INVS: variants seen among roughly 807,000 people sequenced by gnomAD.
INVS encodes the protein inversin.
A neutral mutation model predicts 108.8 loss-of-function variants in INVS; 86 were observed. The observed-to-expected ratio is 0.79, with a 90% CI of 0.66 to 0.95. INVS has a LOEUF of 0.95. INVS is among the 40% of genes least tolerant of loss of function. The pLI is 0.00. For synonymous variants in INVS, 455 were observed against 473.5 expected, an observed-to-expected ratio of 0.96 and a Z score of 0.51; for missense variants, 1,169 against 1,297.4, an observed-to-expected ratio of 0.90 and a Z score of 1.52.
intron 12 of INVS, 24 bp downstream of exon 12, chr9:100,273,100 C>A: frequency 1.3e-6 from 2 of 1,592,400 alleles, no homozygotes; most frequent in Non-Finnish European, 1.7e-6. Context: ...ACGCAGATTG[C>A]GTTTTCGCCA....
chr9:100,172,103 A>T (rs746399383), intron 3 of INVS, among the ~76,000 whole-genome samples: 1 of 152,082 alleles, frequency 6.6e-6, no homozygotes, highest in Admixed American at 6.5e-5. Flanking sequence ...GCCCTTGAGC[A>T]TGTAAAAAAA....
intron 3 of INVS, among the ~76,000 whole-genome samples, chr9:100,211,038 GGCCCCTACAC>G (rs1441593643): frequency 6.6e-6 from 1 of 151,932 alleles, no homozygotes; most frequent in Non-Finnish European, 1.5e-5. Flanking sequence ...GCAGATTCTT[GGCCCCTACAC>G]CAGTGAATGA....
intron 3 of INVS, among the ~76,000 whole-genome samples, chr9:100,191,893 G>A (rs1208460409): frequency 6.6e-6 from 1 of 152,006 alleles, no homozygotes; most frequent in Non-Finnish European, 1.5e-5. Flanking sequence ...TAACTTTAAT[G>A]TTTACAGTTT....
At chr9:100,198,487 C>CTCCAT (rs1830448317) in intron 3 of INVS, among the ~76,000 whole-genome samples, 1 of 151,006 alleles carries the variant, frequency 6.6e-6, no homozygotes, top group African/African-American at 2.4e-5. Context: ...GACGGGGTTT[C>CTCCAT]TCCATGTTGG....
intron 10 of INVS, among the ~76,000 whole-genome samples, chr9:100,255,000 T>C (rs1272881922): frequency 6.6e-6 from 1 of 152,270 alleles, no homozygotes; most frequent in Non-Finnish European, 1.5e-5. Context: ...CTATAAATTA[T>C]GTTGGGCAAT....
At chr9:100,205,612 TCTTAA>T (rs1469293101) in intron 3 of INVS, among the ~76,000 whole-genome samples, 1 of 152,010 alleles carries the variant, frequency 6.6e-6, no homozygotes, top group African/African-American at 2.4e-5. Flanking sequence ...TTAGCTGTTG[TCTTAA>T]CTTTAATCTC....
At chr9:100,227,991 CTTT>C (rs33912012) in intron 4 of INVS, among the ~76,000 whole-genome samples, 4 of 133,412 alleles carry the variant, frequency 3.0e-5, no homozygotes, top group Non-Finnish European at 3.1e-5. Context: ...TTCTTTCTTT[CTTT>C]TTTTTTTTTT....
intron 3 of INVS, among the ~76,000 whole-genome samples, chr9:100,133,371 C>T (rs1828112662): frequency 1.3e-5 from 2 of 151,446 alleles, no homozygotes; most frequent in Admixed American, 6.6e-5. Context: ...TGTACATGTG[C>T]ACATACACTA....
At chr9:100,297,551 G>C (rs1264395173) in intron 15 of INVS, among the ~76,000 whole-genome samples, 1 of 152,108 alleles carries the variant, frequency 6.6e-6, no homozygotes, top group Non-Finnish European at 1.5e-5. Context: ...AGATGTTATA[G>C]GGTTGCCCAC....
intron 3 of INVS, among the ~76,000 whole-genome samples, chr9:100,219,881 G>GATATATATATATATATATATATATATAT (rs61219577): frequency 2.7e-5 from 4 of 148,082 alleles, no homozygotes; most frequent in African/African-American, 9.8e-5. Context: ...GTCGTTTATG[G>GATATATATATATATATATATATATATAT]ATATATATAT....
intron 3 of INVS, among the ~76,000 whole-genome samples, chr9:100,157,779 T>C (rs7025271): frequency 0.21 from 31,965 of 152,122 alleles, 5,712 homozygotes; most frequent in African/African-American, 0.49. Flanking sequence ...TTACATGTTT[T>C]ATTTTCTTTG....
At chr9:100,289,304 C>T (rs374995796) in intron 13 of INVS, among the ~76,000 whole-genome samples, 2 of 152,326 alleles carry the variant, frequency 1.3e-5, no homozygotes, top group African/African-American at 2.4e-5. Context: ...TTCTGCTCTT[C>T]GAGCCTTCAC....
At chr9:100,121,063 G>A (rs1374970134) in intron 2 of INVS, among the ~76,000 whole-genome samples, 1 of 151,482 alleles carries the variant, frequency 6.6e-6, no homozygotes, top group African/African-American at 2.4e-5. Context: ...GTTGACTACA[G>A]TTTTTTTTTA....
chr9:100,300,436 C>T (rs1833929722), intron 16 of INVS, 132 bp from the exon 17 acceptor site: 2 of 696,564 alleles, frequency 2.9e-6, no homozygotes, highest in African/African-American at 3.5e-5. Context: ...GTCATCCTGC[C>T]TCTACAGTAA....
intron 3 of INVS, among the ~76,000 whole-genome samples, chr9:100,152,704 A>G (rs1390992647): frequency 1.3e-5 from 2 of 152,174 alleles, no homozygotes; most frequent in African/African-American, 4.8e-5. Flanking sequence ...ACCTTTGTCT[A>G]AATATGTGGT....
chr9:100,248,704 TC>T (rs1338223005), intron 8 of INVS, among the ~76,000 whole-genome samples: 1 of 152,116 alleles, frequency 6.6e-6, no homozygotes, highest in African/African-American at 2.4e-5. Flanking sequence ...GATCCTTTTG[TC>T]CTTTCTTTGC....
intron 8 of INVS, among the ~76,000 whole-genome samples, chr9:100,251,745 A>T (rs1832245267): frequency 6.6e-6 from 1 of 152,148 alleles, no homozygotes; most frequent in African/African-American, 2.4e-5. Flanking sequence ...ATATTGTATT[A>T]AAAATGCACT....
intron 13 of INVS, among the ~76,000 whole-genome samples, chr9:100,286,868 A>G (rs922471020): frequency 2.6e-5 from 4 of 152,120 alleles, no homozygotes; most frequent in Non-Finnish European, 5.9e-5. Context: ...TACTTCTCCT[A>G]TACTTCCCTC....
At chr9:100,283,096 GCCAGTAGTTCAAAA>G (rs1229111047) in intron 12 of INVS, among the ~76,000 whole-genome samples, 2 of 152,130 alleles carry the variant, frequency 1.3e-5, no homozygotes, top group Non-Finnish European at 2.9e-5. Flanking sequence ...ATAGCTTGAG[GCCAGTAGTTCAAAA>G]CCAGCCTGGG....
Sources: gnomAD v4.1 joint callset for allele counts (sites outside exome capture counted in the v4.1 genomes callset) on GRCh38, gnomAD v4.1.1 for gene constraint, MANE v1.5 for transcripts, NCBI Gene and HGNC (gene_info 2026-07-23, HGNC 2026-07-21) for gene names.